Variants in PGM5 observed in about 807,000 individuals in gnomAD.
PGM5 encodes phosphoglucomutase 5, also known as phosphoglucomutase-like protein 5.
In PGM5, 23 loss-of-function variants were observed where a neutral mutation model predicts 59.2. The observed-to-expected ratio is 0.39, with a 90% CI of 0.28 to 0.55. The LOEUF is 0.55. PGM5 is among the 20% of genes least tolerant of loss of function. The pLI is 0.66. For synonymous variants in PGM5, 214 were observed against 286.0 expected, an observed-to-expected ratio of 0.75 and a Z score of 2.54; for missense variants, 574 against 748.3, an observed-to-expected ratio of 0.77 and a Z score of 2.72.
rs1213940575 is a variant in PGM5 at position 68,530,582 on chromosome 9, A to G, written c.*926A>G. On this transcript the variant is annotated 3_prime_UTR_variant, in exon 11 of 11. Coordinates refer to ENST00000396396, the MANE Select transcript of PGM5 (RefSeq NM_021965.4). ...TATCTTAATGCACTTGTTTGGACAC[A>G]TTTCTGATCTTATTTGTAAAGGCTG... The G allele has an allele frequency of 1.3e-5, 2 of 152,218 alleles. No individual in the cohort carries two copies. The highest frequency in any genetic ancestry group is 4.8e-5 in the African/African-American group (2 of 41,460). 9.4% of individuals were successfully genotyped at this position (152,218 alleles called of 1,614,324 possible). A position where few individuals can be genotyped will look rare whatever the true frequency, so the allele number is the denominator to read the frequency against.
intron 7 of PGM5, among the ~76,000 whole-genome samples, chr9:68,467,891 T>C (rs1823959157): frequency 6.6e-6 from 1 of 152,208 alleles, no homozygotes; most frequent in Admixed American, 6.5e-5. Context: ...AATTTAATTA[T>C]CATATTAATT....
intron 2 of PGM5, among the ~76,000 whole-genome samples, chr9:68,384,171 A>G (rs1291827946): frequency 3.9e-5 from 6 of 151,990 alleles, no homozygotes; most frequent in Non-Finnish European, 1.5e-5. Context: ...AAACAAACAA[A>G]CATATGGGTT....
In PGM5 at chr9:68,357,204, G is replaced by T. The variant is rs1304533627; in HGVS notation, c.77G>T (p.Gly26Val). Residue 26 changes from glycine (G) to valine (V), a missense_variant, in exon 1 of 11, where the codon GGT becomes GTT. Transcript: ENST00000396396. ...GACCAGCGGCCGGCCGGCGGCGGGGGTCTGCGGCGACCCACCGGCCTCTTC... is the reference window on the plus strand; with the variant it reads ...GACCAGCGGCCGGCCGGCGGCGGGGTTCTGCGGCGACCCACCGGCCTCTTC... ...YEDQRPAGGG[G>V]LRRPTGLFEG... The T allele has an allele frequency of 1.3e-6, 2 of 1,540,290 alleles. No homozygotes were observed. Among genetic ancestry groups the T allele is most frequent in the Non-Finnish European group, 1.7e-6 (2 of 1,145,842 alleles).
At chr9:68,460,490 G>C (rs1823843083) in intron 6 of PGM5, among the ~76,000 whole-genome samples, 1 of 152,228 alleles carries the variant, frequency 6.6e-6, no homozygotes, top group Non-Finnish European at 1.5e-5. Context: ...GGATCATTTA[G>C]TCACTGCCCC....
At chr9:68,507,272 G>A (rs111484973) in intron 10 of PGM5, among the ~76,000 whole-genome samples, 5 of 152,154 alleles carry the variant, frequency 3.3e-5, no homozygotes, top group Admixed American at 1.3e-4. Flanking sequence ...GACGAGAGGC[G>A]TGACTTGGAG....
chr9:68,422,271 G>T (rs1025630937), intron 6 of PGM5, among the ~76,000 whole-genome samples: 3 of 152,082 alleles, frequency 2.0e-5, no homozygotes, highest in Admixed American at 6.6e-5. Context: ...TGGGGGGTTT[G>T]CCTGGGAACT....
chr9:68,440,146 G>T (rs187008922), intron 6 of PGM5, among the ~76,000 whole-genome samples: 1 of 152,218 alleles, frequency 6.6e-6, no homozygotes, highest in Non-Finnish European at 1.5e-5. Context: ...ACAGTCTTCT[G>T]TGAGAAACTG....
intron 6 of PGM5, among the ~76,000 whole-genome samples, chr9:68,403,528 A>T (rs1402464817): frequency 6.6e-6 from 1 of 152,200 alleles, no homozygotes; most frequent in African/African-American, 2.4e-5. Flanking sequence ...GTTATATAGT[A>T]TGTTGTTTGA....
intron 6 of PGM5, among the ~76,000 whole-genome samples, chr9:68,416,461 C>T (rs1221063358): frequency 2.0e-5 from 3 of 152,172 alleles, no homozygotes; most frequent in African/African-American, 7.2e-5. Context: ...TCTTCCTTGT[C>T]TTATTTCTCT....
intron 6 of PGM5, among the ~76,000 whole-genome samples, chr9:68,428,120 A>G (rs1266836627): frequency 1.3e-5 from 2 of 152,232 alleles, no homozygotes; most frequent in African/African-American, 4.8e-5. Flanking sequence ...TAGAACAAAT[A>G]AACACACTTG....
intron 10 of PGM5, among the ~76,000 whole-genome samples, chr9:68,520,344 A>G (rs1277304496): frequency 6.6e-6 from 1 of 152,058 alleles, no homozygotes; most frequent in African/African-American, 2.4e-5. Context: ...GAAAAAAAAA[A>G]GAGGGAGAGA....
chr9:68,422,261 T>C (rs1196044777), intron 6 of PGM5, among the ~76,000 whole-genome samples: 1 of 152,126 alleles, frequency 6.6e-6, no homozygotes, highest in African/African-American at 2.4e-5. Context: ...ACTATCTATA[T>C]GGGGGGTTTG....
chr9:68,450,279 CAAAA>C (rs113337856), intron 6 of PGM5, among the ~76,000 whole-genome samples: 38 of 152,096 alleles, frequency 2.5e-4, no homozygotes, highest in Admixed American at 2.5e-3. Context: ...ACAAAACAAA[CAAAA>C]AAACCACTGC....
chr9:68,454,400 T>C (rs1210924261), intron 6 of PGM5, among the ~76,000 whole-genome samples: 2 of 152,210 alleles, frequency 1.3e-5, no homozygotes, highest in Middle Eastern at 3.2e-3. Flanking sequence ...GGGGACCTCA[T>C]TGATACAAGG....
chr9:68,392,604 G>A (rs1382656915), intron 6 of PGM5, 131 bp downstream of exon 6: 2 of 1,408,668 alleles, frequency 1.4e-6, no homozygotes, highest in African/African-American at 2.9e-5. Context: ...ACACGGTATA[G>A]TGTACTGGGT....
intron 10 of PGM5, among the ~76,000 whole-genome samples, chr9:68,500,687 T>C (rs1168153936): frequency 6.6e-6 from 1 of 152,212 alleles, no homozygotes; most frequent in Non-Finnish European, 1.5e-5. Context: ...CTACATCTCA[T>C]GTTGGGGAGG....
At chr9:68,431,187 A>C (rs782691256) in intron 6 of PGM5, among the ~76,000 whole-genome samples, 1 of 152,126 alleles carries the variant, frequency 6.6e-6, no homozygotes, top group Non-Finnish European at 1.5e-5. Context: ...CCCCAACTCC[A>C]CTTCCTCACT....
At chr9:68,525,784 T>C (rs528906071) in intron 10 of PGM5, among the ~76,000 whole-genome samples, 8 of 152,184 alleles carry the variant, frequency 5.3e-5, no homozygotes, top group Admixed American at 2.0e-4. Context: ...TTGCCGGGCG[T>C]GGTGGCTCAC....
chr9:68,378,891 T>C lies in PGM5; in HGVS notation c.424+530T>C, dbSNP rs187381138. Among the ~76,000 whole-genome samples, 578 of 152,262 alleles carry C rather than the reference T, an allele frequency of 3.8e-3. 2 individuals carry two copies. Among genetic ancestry groups the C allele is most frequent in the African/African-American group, 0.013 (551 of 41,568 alleles). ...TCCTTAGTGGAGGGGGTGGGATATA[T>C]GTATGGAGTAAATTTCTTTTAAAAT... On this transcript the variant is annotated intron_variant, in intron 2 of 10. Transcript: ENST00000396396.
Sources: allele counts gnomAD v4.1 joint callset (sites outside exome capture counted in the v4.1 genomes callset), GRCh38; gene constraint gnomAD v4.1.1; transcripts MANE v1.5; gene names NCBI Gene and HGNC (gene_info 2026-07-23, HGNC 2026-07-21).